The following KLHL17 variants were observed in gnomAD, a reference collection of about 807,000 sequenced individuals.
KLHL17 encodes the protein kelch like family member 17, also known as kelch-like protein 17.
KLHL17 carries 71 observed loss-of-function variants against 64.6 expected under a neutral mutation model. The observed-to-expected ratio is 1.10, with a 90% confidence interval of 0.91 to 1.34. The LOEUF (loss-of-function observed/expected upper bound fraction) is 1.34, where lower values mean the gene tolerates loss of function less well. KLHL17 is among the 40% of genes most tolerant of loss of function. The pLI, the probability that KLHL17 is intolerant of heterozygous loss-of-function variation, is 0.00. For synonymous variants in KLHL17, 612 were observed against 405.4 expected (o/e 1.51, Z -6.12); for missense variants, 1,140 against 935.0 (o/e 1.22, Z -2.86).
Position 965,700 on chromosome 1 carries a change from C to T in KLHL17, c.*509C>T, listed in dbSNP as rs564064782. On this transcript the variant is annotated 3_prime_UTR_variant, in exon 12 of 12. Coordinates refer to ENST00000338591, the MANE Select transcript of KLHL17 (RefSeq NM_198317.3). Reference sequence around the variant, plus strand: ...AGCAATACGAGTCCAACTTAATAAACACATTTCTGGGGTTCCTCAGGCTGA... The same window carrying T: ...AGCAATACGAGTCCAACTTAATAAATACATTTCTGGGGTTCCTCAGGCTGA... 1 of 158,240 alleles carries T rather than the reference C, an allele frequency of 6.3e-6. No individual in the cohort carries two copies. Among genetic ancestry groups the T allele is most frequent in the East Asian group, 1.9e-4 (1 of 5,302 alleles). 9.8% of individuals were successfully genotyped at this position (158,240 alleles called of 1,614,324 possible). A position where few individuals can be genotyped will look rare whatever the true frequency, so the allele number is the denominator to read the frequency against.
At chr1:962,594 T>A in intron 5 of KLHL17, 110 bp from the exon 6 acceptor site, 2 of 1,520,176 alleles carry the variant, frequency 1.3e-6, no homozygotes, top group Non-Finnish European at 1.8e-6. Context: ...CCCACCTGTC[T>A]GAAGAAGAAT....
chr1:964,364 C>A lies in KLHL17; in HGVS notation c.1534C>A (p.Pro512Thr), dbSNP rs763770188. 6.4e-7 allele frequency: 1 copy of A among 1,554,902 alleles called. No individual in the cohort carries two copies. Among genetic ancestry groups the A allele is most frequent in the Non-Finnish European group, 8.7e-7 (1 of 1,151,436 alleles). The change falls in exon 11 of 12, where the codon CCC becomes ACC. Residue 512 changes from proline (P) to threonine (T), a missense_variant. By Grantham distance (38) the Pro-to-Thr change is conservative. Coordinates refer to ENST00000338591, the MANE Select transcript of KLHL17 (RefSeq NM_198317.3). ...TCGCCCCCAGGTGAACGTGTGGTCG[C>A]CCGTGGCGTCCATGCTGAGCCGACG... ...KYEPQVNVWS[P>T]VASMLSRRSS... is the part of the protein sequence containing the mutation.
intron 1 of KLHL17, chr1:961,026 G>A (rs987742711): frequency 4.5e-6 from 1 of 222,014 alleles, no homozygotes; most frequent in Non-Finnish European, 7.5e-6. Flanking sequence ...ACGCGGAGGA[G>A]CTGAGCTCGT....
rs1399593032 is a variant in KLHL17 at position 961,866 on chromosome 1, T to G, written c.530T>G (p.Val177Gly). 1 of 1,611,702 alleles carries G rather than the reference T, an allele frequency of 6.2e-7. No homozygotes were observed. Among genetic ancestry groups the G allele is most frequent in the East Asian group, 2.2e-5 (1 of 44,866 alleles). ...PAASLLQLNG[V>G]RDACCKFLLS... ...GCCAGTCTCCTGCAGCTGAATGGCG[T>G]CCGAGACGCTTGCTGCAAGTTTCTA... Residue 177 changes from valine (V) to glycine (G), a missense_variant, in exon 4 of 12, where the codon GTC becomes GGC. Transcript: ENST00000338591.
chr1:965,409 C>A lies in KLHL17; in HGVS notation c.*218C>A, dbSNP rs1025953842. 2 of 564,794 alleles carry A rather than the reference C, an allele frequency of 3.5e-6. No homozygotes were observed. Among genetic ancestry groups the A allele is most frequent in the Non-Finnish European group, 6.2e-6 (2 of 321,746 alleles). 35.0% of individuals were successfully genotyped at this position (564,794 alleles called of 1,614,324 possible). On this transcript the variant is annotated 3_prime_UTR_variant, in exon 12 of 12. Transcript: ENST00000338591. ...TTAGCGTCTGGTCCTCCTGCGTGTC[C>A]TCCCCTCCACTGCCTGCATGGGGGG...
Position 960,685 on chromosome 1 carries a change from G to A in KLHL17, c.-9G>A. On this transcript the variant is annotated 5_prime_UTR_variant, in exon 1 of 12. Transcript: ENST00000338591. ...TCCTCCGCGAATCGGCGGTGGGTCC[G>A]GCAGCCGAATGCAGCCCCGCAGCGA... The A allele has an allele frequency of 2.9e-6, 4 of 1,376,814 alleles. No homozygotes were observed. Among genetic ancestry groups the A allele is most frequent in the East Asian group, 3.4e-5 (1 of 29,764 alleles). 85.3% of individuals were successfully genotyped at this position (1,376,814 alleles called of 1,614,324 possible). A position where few individuals can be genotyped will look rare whatever the true frequency, so the allele number is the denominator to read the frequency against.
chr1:965,030 A>T lies in KLHL17; in HGVS notation c.1768A>T (p.Ser590Cys). ...CGTGGGGGGTAACGACGGTAGCTCC[A>T]GCCTCAACTCCATCGAGAAGTACAA... The part of the protein sequence containing the change: ...YAVGGNDGSS[S>C]LNSIEKYNPR... The change falls in exon 12 of 12, where the codon AGC becomes TGC. Residue 590 changes from serine (S) to cysteine (C), a missense_variant. Coordinates refer to ENST00000338591, the MANE Select transcript of KLHL17 (RefSeq NM_198317.3). The T allele has an allele frequency of 6.2e-7, 1 of 1,612,546 alleles. No individual in the cohort carries two copies. Among genetic ancestry groups the T allele is most frequent in the Middle Eastern group, 1.7e-4 (1 of 6,058 alleles).
Position 963,432 on chromosome 1 carries a change from G to C in KLHL17, c.1283G>C (p.Cys428Ser). Reference sequence around the variant, plus strand: ...GTGTCCATGGGCACAAGGCGAAGCTGCCTGGGTGTGGCCGCCTTGCATGGA... The same window carrying C: ...GTGTCCATGGGCACAAGGCGAAGCTCCCTGGGTGTGGCCGCCTTGCATGGA... ...PEVSMGTRRSCLGVAALHGLL... is the reference protein window; with the variant it reads ...PEVSMGTRRSSLGVAALHGLL... The change falls in exon 8 of 12, where the codon TGC becomes TCC. Residue 428 changes from cysteine (C) to serine (S), a missense_variant. Physicochemically the swap from Cys to Ser is moderately radical, Grantham distance 112 (BLOSUM62 -1). Coordinates refer to ENST00000338591, the MANE Select transcript of KLHL17 (RefSeq NM_198317.3). 6.2e-7 allele frequency: 1 copy of C among 1,612,644 alleles called. No individual in the cohort carries two copies. Among genetic ancestry groups the C allele is most frequent in the Non-Finnish European group, 8.5e-7 (1 of 1,179,872 alleles).
chr1:965,573 C>T lies in KLHL17; in HGVS notation c.*382C>T, dbSNP rs115880359. On this transcript the variant is annotated 3_prime_UTR_variant, in exon 12 of 12. Coordinates refer to ENST00000338591, the MANE Select transcript of KLHL17 (RefSeq NM_198317.3). ...TCGAATTTTGCACATGGCGGGGTCC[C>T]GGGAAGGGTGGGGAGCAGTTGTCCT... 47 of 260,258 alleles carry T rather than the reference C, an allele frequency of 1.8e-4. No homozygotes were observed. The East Asian group carries it at 3.1e-3, about 17-fold the overall frequency. The allele number at this position is 260,258 out of a possible 1,614,324, so 16.1% of individuals were successfully genotyped here.
At position 963,921 on chromosome 1, in the gene KLHL17, G is replaced by A. The variant is rs997706864; in HGVS notation, c.1357G>A (p.Ala453Thr). Residue 453 changes from alanine to threonine, a missense_variant and splice_region_variant, in exon 9 of 12, where the codon GCT becomes ACT. Transcript: ENST00000338591. ...GYDGASCLNSAERYDPLTGTW... is the reference protein window; with the variant it reads ...GYDGASCLNSTERYDPLTGTW... ...TGGCTGCGGTCCTGGTGCCCACAGT[G>A]CTGAACGCTACGACCCCCTGACCGG... is the stretch of plus-strand genomic sequence containing the variant. 1.9e-5 allele frequency: 30 copies of A among 1,612,282 alleles called. No homozygotes were observed. The highest frequency in any genetic ancestry group is 2.5e-5 in the Non-Finnish European group (30 of 1,179,886).
At chr1:963,029 CA>C in intron 6 of KLHL17, 79 bp from the exon 7 acceptor site, 1 of 1,557,412 alleles carries the variant, frequency 6.4e-7, no homozygotes, top group Non-Finnish European at 8.7e-7. Context: ...CCCCTCCATT[CA>C]GGGGCCTCTC....
chr1:965,555 T>G lies in KLHL17; in HGVS notation c.*364T>G, dbSNP rs1642915955. On this transcript the variant is annotated 3_prime_UTR_variant, in exon 12 of 12. Transcript: ENST00000338591. ...GCAGCTGCAGACCCCAGCTCGAATT[T>G]TGCACATGGCGGGGTCCCGGGAAGG... The G allele has an allele frequency of 7.0e-6, 2 of 284,596 alleles. No individual in the cohort carries two copies. The highest frequency in any genetic ancestry group is 7.6e-5 in the South Asian group (1 of 13,102). 17.6% of individuals were successfully genotyped at this position (284,596 alleles called of 1,614,324 possible).
chr1:964,040 C>T (rs1642778326), intron 9 of KLHL17, 32 bp downstream of exon 9: 1 of 1,612,468 alleles, frequency 6.2e-7, no homozygotes, highest in South Asian at 1.1e-5. Context: ...GGGGGCATCC[C>T]CACCTTCCCC....
chr1:963,473 G>A lies in KLHL17; in HGVS notation c.1324G>A (p.Gly442Ser), dbSNP rs1438143459. 5 of 1,610,340 alleles carry A rather than the reference G, an allele frequency of 3.1e-6. No homozygotes were observed. Among genetic ancestry groups the A allele is most frequent in the Non-Finnish European group, 4.2e-6 (5 of 1,178,288 alleles). Residue 442 changes from glycine (G) to serine (S), a missense_variant, in exon 8 of 12, where the codon GGC becomes AGC. Transcript: ENST00000338591. The stretch of plus-strand genomic sequence containing the variant: ...CTTGCATGGACTCCTGTACTCGGCC[G>A]GCGGCTATGACGGGGCCTCCTGCCT... ...AALHGLLYSA[G>S]GYDGASCLNS... is the part of the protein sequence containing the mutation.
chr1:960,816 T>TCGGGGCG lies in KLHL17; in HGVS notation c.107+22_107+28dup. 6 of 1,000,038 alleles carry TCGGGGCG rather than the reference T, an allele frequency of 6.0e-6. No homozygotes were observed. The highest frequency in any genetic ancestry group is 7.1e-6 in the Non-Finnish European group (6 of 839,464). The allele number at this position is 1,000,038 out of a possible 1,614,324, so 61.9% of individuals were successfully genotyped here. Reference sequence around the variant, plus strand: ...AGCCGCCGGCGTGAGTGGGCGGGGGTCGGGGCGCGGGGGGCGGCCTCGGGA... The same window carrying TCGGGGCG: ...AGCCGCCGGCGTGAGTGGGCGGGGGTCGGGGCGCGGGGCGCGGGGGGCGGCCTCGGGA... On this transcript the variant is annotated intron_variant, in intron 1 of 11. Coordinates refer to ENST00000338591, the MANE Select transcript of KLHL17 (RefSeq NM_198317.3).
At position 965,023 on chromosome 1, in the gene KLHL17, T is replaced by C. The variant is rs1271462196; in HGVS notation, c.1761T>C (p.Gly587=). 6.2e-7 allele frequency: 1 copy of C among 1,612,340 alleles called. No individual in the cohort carries two copies. Among genetic ancestry groups the C allele is most frequent in the Non-Finnish European group, 8.5e-7 (1 of 1,179,776 alleles). ...GWLYAVGGND[G]SSSLNSIEKY... is the part of the protein sequence containing the mutation. Reference sequence around the variant, plus strand: ...TGTACGCCGTGGGGGGTAACGACGGTAGCTCCAGCCTCAACTCCATCGAGA... The same window carrying C: ...TGTACGCCGTGGGGGGTAACGACGGCAGCTCCAGCCTCAACTCCATCGAGA... Residue 587 remains glycine (G), a synonymous_variant, in exon 12 of 12, where the codon GGT becomes GGC. Coordinates refer to ENST00000338591, the MANE Select transcript of KLHL17 (RefSeq NM_198317.3).
In KLHL17 at chr1:962,902, G is replaced by A. The variant is rs748174855; in HGVS notation, c.1027G>A (p.Val343Met). ...RPRRCEGAGP[V>M]LFAVGGGSLF... ...CCGGCGCTGCGAGGGGGCCGGGCCTGTGCTTTTTGCTGTGGGTATGGCCCC... is the reference window on the plus strand; with the variant it reads ...CCGGCGCTGCGAGGGGGCCGGGCCTATGCTTTTTGCTGTGGGTATGGCCCC... The change falls in exon 6 of 12, where the codon GTG becomes ATG. Residue 343 changes from valine (V) to methionine (M), a missense_variant. Val to Met is a conservative substitution (Grantham distance 21, BLOSUM62 1). Coordinates refer to ENST00000338591, the MANE Select transcript of KLHL17 (RefSeq NM_198317.3). 1 of 1,554,092 alleles carries A rather than the reference G, an allele frequency of 6.4e-7. No homozygotes were observed. The highest frequency in any genetic ancestry group is 8.7e-7 in the Non-Finnish European group (1 of 1,154,118).
In KLHL17 at chr1:962,010, C is replaced by T; in HGVS notation, c.674C>T (p.Ala225Val). Residue 225 changes from alanine (A) to valine (V), a missense_variant, in exon 4 of 12, where the codon GCC becomes GTC. By Grantham distance (64) the Ala-to-Val change is moderately conservative. Transcript: ENST00000338591. ...GTGCTGCAGCACTTCGTGGACGTGG[C>T]CAAGACCGAGGAGTTTATGCTGCTG... ...RYVLQHFVDV[A>V]KTEEFMLLPL... The T allele has an allele frequency of 6.2e-7, 1 of 1,612,890 alleles. No homozygotes were observed. Among genetic ancestry groups the T allele is most frequent in the African/African-American group, 1.3e-5 (1 of 75,062 alleles).
Position 965,340 on chromosome 1 carries a change from ATT to A in KLHL17, c.*151_*152del. ...GTTTATTTATTTAGTTATTTATCTTATTTATTGAGGGGTGAGGAGTGCCACGG... is the reference window on the plus strand; with the variant it reads ...GTTTATTTATTTAGTTATTTATCTTATATTGAGGGGTGAGGAGTGCCACGG... On this transcript the variant is annotated 3_prime_UTR_variant, in exon 12 of 12. Transcript: ENST00000338591. 1 of 155,406 alleles carries A rather than the reference ATT, an allele frequency of 6.4e-6. No individual in the cohort carries two copies. Among genetic ancestry groups the A allele is most frequent in the Non-Finnish European group, 1.7e-5 (1 of 59,922 alleles). 9.6% of individuals were successfully genotyped at this position (155,406 alleles called of 1,614,324 possible).
Sources: gnomAD v4.1 joint callset for allele counts on GRCh38, gnomAD v4.1.1 for gene constraint, MANE v1.5 for transcripts, NCBI Gene and HGNC (gene_info 2026-07-23, HGNC 2026-07-21) for gene names.